The following HOMER2 variants were observed in gnomAD, a reference collection of about 807,000 sequenced individuals.
The protein encoded by HOMER2 is homer protein homolog 2.
A neutral mutation model predicts 47.0 loss-of-function variants in HOMER2; 27 were observed. The observed-to-expected ratio is 0.57, with a 90% CI of 0.42 to 0.79. The LOEUF is 0.79. Among genes scored for constraint, HOMER2 ranks in the 30% least tolerant of loss-of-function variants. The probability of loss-of-function intolerance (pLI) is 0.00; values close to 1 mark genes in which losing one functional copy is unlikely to be tolerated. For synonymous variants in HOMER2, 161 were observed against 163.8 expected, an observed-to-expected ratio of 0.98 and a Z score of 0.13; for missense variants, 443 against 435.0, an observed-to-expected ratio of 1.02 and a Z score of -0.16.
At chr15:82,848,777 G>A (rs1318684061), downstream of HOMER2, among the ~76,000 whole-genome samples, 3 of 152,194 alleles carry the variant, frequency 2.0e-5, no homozygotes, top group Non-Finnish European at 2.9e-5. Context: ...AGAGCATCAC[G>A]GATGGGCTCC....
intron 2 of HOMER2, among the ~76,000 whole-genome samples, chr15:82,881,423 A>G (rs1275979876): frequency 2.0e-5 from 3 of 152,236 alleles, no homozygotes; most frequent in Admixed American, 6.5e-5. Flanking sequence ...GGAGTTTTCC[A>G]TAAGAGGCTG....
intron 4 of HOMER2, among the ~76,000 whole-genome samples, chr15:82,862,585 C>G (rs180799144): frequency 1.1e-3 from 172 of 152,262 alleles, no homozygotes; most frequent in Non-Finnish European, 1.6e-3. Context: ...AGACCATGGA[C>G]AATTTCAGAT....
chr15:82,946,709 A>C (rs1395396226), intron 1 of HOMER2, among the ~76,000 whole-genome samples: 1 of 152,174 alleles, frequency 6.6e-6, no homozygotes, highest in African/African-American at 2.4e-5. Context: ...AAAAACAAAA[A>C]CAAAGAAAGT....
At chr15:82,932,956 A>G (rs2054052445) in intron 1 of HOMER2, among the ~76,000 whole-genome samples, 1 of 151,942 alleles carries the variant, frequency 6.6e-6, no homozygotes, top group Non-Finnish European at 1.5e-5. Flanking sequence ...GTCCACATAG[A>G]GCAAGCTCCC....
intron 1 of HOMER2, among the ~76,000 whole-genome samples, chr15:82,931,927 C>T (rs948910085): frequency 6.6e-6 from 1 of 152,248 alleles, no homozygotes; most frequent in Non-Finnish European, 1.5e-5. Context: ...ACCAGCAGTT[C>T]TGTCTCACAG....
rs2052310424 is a variant in HOMER2, at chr15:82,875,305, A to G, written c.262T>C (p.Leu88=). Residue 88 remains leucine (L), a synonymous_variant, in exon 3 of 9, where the codon TTG becomes CTG. Coordinates refer to ENST00000450735, the MANE Select transcript of HOMER2 (RefSeq NM_004839.4). The part of the protein sequence containing the change: ...ADSRANTVFG[L]GFSSEQQLTK... ...AGCTGCTGCTCAGAGGAAAACCCCA[A>G]ACCAAACACTGTGTTGGCTCTGCTG... 1.2e-6 allele frequency: 2 copies of G among 1,613,834 alleles called. No individual in the cohort carries two copies. The highest frequency in any genetic ancestry group is 2.2e-5 in the East Asian group (1 of 44,882).
upstream of HOMER2, among the ~76,000 whole-genome samples, chr15:82,955,108 C>A (rs114242183): frequency 0.03 from 4,569 of 151,438 alleles, 218 homozygotes; most frequent in African/African-American, 0.1. Context: ...CAGTACTGCT[C>A]ATAACCTACT....
At chr15:82,871,647 G>A (rs1391696024) in intron 3 of HOMER2, among the ~76,000 whole-genome samples, 1 of 152,198 alleles carries the variant, frequency 6.6e-6, no homozygotes. Flanking sequence ...GAGGTTGTGG[G>A]CACCGAGCAG....
chr15:82,890,629 A>G (rs2052674002), intron 2 of HOMER2, among the ~76,000 whole-genome samples: 1 of 152,234 alleles, frequency 6.6e-6, no homozygotes. Context: ...CTGCAGAGCC[A>G]TAACGACACA....
intron 2 of HOMER2, among the ~76,000 whole-genome samples, chr15:82,889,195 G>C (rs1326615602): frequency 6.6e-6 from 1 of 152,212 alleles, no homozygotes; most frequent in Non-Finnish European, 1.5e-5. Flanking sequence ...TCATGGTTCA[G>C]ATCAACATTT....
intron 1 of HOMER2, among the ~76,000 whole-genome samples, chr15:82,923,458 G>C (rs2053781754): frequency 6.7e-6 from 1 of 148,376 alleles, no homozygotes; most frequent in Non-Finnish European, 1.5e-5. Context: ...TTGCACTCCA[G>C]CTTGAGTGAC....
At chr15:82,941,203 G>A (rs2054258538) in intron 1 of HOMER2, among the ~76,000 whole-genome samples, 2 of 151,834 alleles carry the variant, frequency 1.3e-5, no homozygotes, top group South Asian at 4.2e-4. Context: ...CAGCACTTTG[G>A]GAGGCCGAAG....
chr15:82,983,437 T>C (rs2030464705), intron 1 of HOMER2, among the ~76,000 whole-genome samples: 1 of 152,232 alleles, frequency 6.6e-6, no homozygotes, highest in Admixed American at 6.5e-5. Context: ...CTGGAAATTT[T>C]CTCTTGAATA....
At chr15:82,938,166 G>A (rs2054182193) in intron 1 of HOMER2, among the ~76,000 whole-genome samples, 1 of 152,188 alleles carries the variant, frequency 6.6e-6, no homozygotes, top group Admixed American at 6.5e-5. Context: ...GAAGTCAGGA[G>A]TTTGAGACCA....
intron 3 of HOMER2, among the ~76,000 whole-genome samples, chr15:82,872,419 C>A (rs2052207117): frequency 6.6e-6 from 1 of 152,140 alleles, no homozygotes; most frequent in Non-Finnish European, 1.5e-5. Flanking sequence ...TTTAAAATTT[C>A]TCCAACTCTT....
chr15:82,860,014 G>T (rs1053373410), intron 4 of HOMER2, among the ~76,000 whole-genome samples: 1 of 152,032 alleles, frequency 6.6e-6, no homozygotes, highest in African/African-American at 2.4e-5. Flanking sequence ...TTGGGAGGCT[G>T]AGGCGGGCAG....
intron 1 of HOMER2, among the ~76,000 whole-genome samples, chr15:82,899,578 T>C (rs758276527): frequency 7.9e-5 from 12 of 152,254 alleles, no homozygotes; most frequent in Non-Finnish European, 1.6e-4. Context: ...AACGTTATTC[T>C]TATTTGCAGA....
At chr15:82,864,122 T>G in intron 4 of HOMER2, 45 bp downstream of exon 4, 1 of 1,295,342 alleles carries the variant, frequency 7.7e-7, no homozygotes, top group Non-Finnish European at 1.1e-6. Context: ...AAAGAGTCCC[T>G]ATCACCAACC....
intron 3 of HOMER2, among the ~76,000 whole-genome samples, chr15:82,871,614 T>C (rs764690402): frequency 8.5e-5 from 13 of 152,228 alleles, no homozygotes; most frequent in Non-Finnish European, 1.9e-4. Context: ...TGAGGGCTTC[T>C]CTGACAAGTC....
Sources: allele counts gnomAD v4.1 joint callset (sites outside exome capture counted in the v4.1 genomes callset), GRCh38; gene constraint gnomAD v4.1.1; transcripts MANE v1.5; gene names NCBI Gene and HGNC (gene_info 2026-07-23, HGNC 2026-07-21).